PCDH15: variants seen among roughly 807,000 people sequenced by gnomAD.
The protein encoded by PCDH15 is protocadherin-15.
In PCDH15, 129 loss-of-function variants were observed where a neutral mutation model predicts 178.5. The ratio of observed to expected loss-of-function variants is 0.72; its 90% CI spans 0.63 to 0.84. The LOEUF (loss-of-function observed/expected upper bound fraction) is 0.84, where lower values mean the gene tolerates loss of function less well. Among genes scored for constraint, PCDH15 ranks in the 40% least tolerant of loss-of-function variants. The probability of loss-of-function intolerance (pLI) is 0.00; values close to 1 mark genes in which losing one functional copy is unlikely to be tolerated. For synonymous variants in PCDH15, 800 were observed against 732.0 expected (o/e 1.09, Z -1.50); for missense variants, 2,230 against 2,099.9 (o/e 1.06, Z -1.21).
intron 1 of PCDH15, among the ~76,000 whole-genome samples, chr10:55,272,006 T>G (rs1842457495): frequency 6.6e-6 from 1 of 152,118 alleles, no homozygotes; most frequent in African/African-American, 2.4e-5. Context: ...TATTATGCAG[T>G]AATAACACCT....
intron 1 of PCDH15, among the ~76,000 whole-genome samples, chr10:54,700,052 G>A (rs1277355536): frequency 6.6e-6 from 1 of 151,982 alleles, no homozygotes; most frequent in Non-Finnish European, 1.5e-5. Context: ...ACAAAGCTAG[G>A]GGCCTGGCAT....
chr10:54,168,434 T>G (rs1209193051), intron 13 of PCDH15, among the ~76,000 whole-genome samples: 2 of 151,908 alleles, frequency 1.3e-5, no homozygotes, highest in Admixed American at 1.3e-4. Flanking sequence ...CTCCCCAGGC[T>G]GCTCCTCGCC....
intron 22 of PCDH15, among the ~76,000 whole-genome samples, chr10:53,960,340 TTACTC>T (rs1475162751): frequency 1.8e-4 from 27 of 152,262 alleles, no homozygotes; most frequent in African/African-American, 3.1e-4. Flanking sequence ...CAGAAATACT[TTACTC>T]TAGAGGATAA....
At chr10:54,004,816 A>G (rs2092324142) in intron 20 of PCDH15, among the ~76,000 whole-genome samples, 2 of 151,964 alleles carry the variant, frequency 1.3e-5, no homozygotes, top group East Asian at 1.9e-4. Context: ...TAAACTGTGT[A>G]TGGAAGTACA....
intron 1 of PCDH15, among the ~76,000 whole-genome samples, chr10:54,666,746 A>G (rs2094578361): frequency 6.6e-6 from 1 of 152,028 alleles, no homozygotes; most frequent in Non-Finnish European, 1.5e-5. Context: ...AATTAAAGAG[A>G]CGGTAATATC....
At chr10:54,584,803 G>T (rs1422611174) in intron 2 of PCDH15, among the ~76,000 whole-genome samples, 1 of 152,004 alleles carries the variant, frequency 6.6e-6, no homozygotes, top group African/African-American at 2.4e-5. Flanking sequence ...ATATAAATCA[G>T]AATCATGGCT....
At chr10:54,759,833 G>A (rs1372309644) in intron 1 of PCDH15, among the ~76,000 whole-genome samples, 1 of 152,120 alleles carries the variant, frequency 6.6e-6, no homozygotes, top group African/African-American at 2.4e-5. Context: ...ACTTTTTGAG[G>A]TAATGGGTGC....
intron 18 of PCDH15, among the ~76,000 whole-genome samples, chr10:54,044,362 T>A (rs1180207759): frequency 6.6e-6 from 1 of 152,142 alleles, no homozygotes; most frequent in African/African-American, 2.4e-5. Context: ...ATTTCTTATG[T>A]ATGACCAGAG....
chr10:55,131,855 T>G (rs1838055938), intron 2 of PCDH15, among the ~76,000 whole-genome samples: 1 of 152,144 alleles, frequency 6.6e-6, no homozygotes, highest in South Asian at 2.1e-4. Flanking sequence ...GCACCATGAA[T>G]TCTCACTTTG....
At position 55,334,312 on chromosome 10, in the gene PCDH15, A is replaced by ATT. The variant is rs199903169; in HGVS notation, c.-155-167662_-155-167661insAA. On this transcript the variant is annotated intron_variant, in intron 2 of 5. Transcript: ENST00000613346. ...TGTGTATATATCTATATATATATAT[A>ATT]TATTTTTTTTTTGAGACAGAGTTTC... Among the ~76,000 whole-genome samples, 281 of 122,678 alleles carry ATT rather than the reference A, an allele frequency of 2.3e-3. 5 individuals are homozygous for ATT. The highest frequency in any genetic ancestry group is 8.3e-3 in the Middle Eastern group (2 of 242). 80.5% of individuals were successfully genotyped at this position (122,678 alleles called of 152,430 possible). A position where few individuals can be genotyped will look rare whatever the true frequency, so the allele number is the denominator to read the frequency against.
chr10:54,376,173 G>A lies in PCDH15; in HGVS notation c.318+2609C>T, dbSNP rs573714925. Among the ~76,000 whole-genome samples the A allele has an allele frequency of 4.0e-5, 6 of 151,754 alleles. No homozygotes were observed. The East Asian group carries it at 1.2e-3, about 29-fold the overall frequency. On this transcript the variant is annotated intron_variant, in intron 4 of 37. Coordinates refer to ENST00000644397, the MANE Select transcript of PCDH15 (RefSeq NM_001384140.1). ...GCCTCCCAAAGTGCTGGGATTACAG[G>A]CATGAGCCATCACACCCAGCCCATA...
chr10:54,171,430 A>G (rs566158175), intron 13 of PCDH15, among the ~76,000 whole-genome samples: 274 of 152,268 alleles, frequency 1.8e-3, no homozygotes, highest in African/African-American at 5.8e-3. Context: ...CTTTTTATTA[A>G]GCCCCAGTCT....
chr10:55,623,845 A>G (rs901627415), intron 2 of PCDH15, among the ~76,000 whole-genome samples: 3 of 151,878 alleles, frequency 2.0e-5, no homozygotes, highest in Admixed American at 2.0e-4. Flanking sequence ...CATTGGAGAA[A>G]AGTCAATGTT....
chr10:54,754,952 T>TCC (rs1946865646), intron 1 of PCDH15, among the ~76,000 whole-genome samples: 2 of 93,286 alleles, frequency 2.1e-5, no homozygotes, highest in African/African-American at 3.9e-5. Flanking sequence ...CTTTTTTTTT[T>TCC]TTTTTTTTTT....
chr10:54,306,804 T>A (rs927182631), intron 8 of PCDH15, among the ~76,000 whole-genome samples: 1 of 150,810 alleles, frequency 6.6e-6, no homozygotes, highest in African/African-American at 2.4e-5. Context: ...GACAAAGAAT[T>A]ACATCCTGTC....
chr10:54,174,702 C>CTTTTTTTTTTTTTTTTTTTTTTTTTCT (rs1169302544), intron 13 of PCDH15, among the ~76,000 whole-genome samples: 2 of 84,054 alleles, frequency 2.4e-5, no homozygotes, highest in African/African-American at 5.0e-5. Context: ...TTTTTCTTTT[C>CTTTTTTTTTTTTTTTTTTTTTTTTTCT]TTTTTTTTTT....
At chr10:54,082,380 A>G (rs1182056141) in intron 16 of PCDH15, among the ~76,000 whole-genome samples, 1 of 152,210 alleles carries the variant, frequency 6.6e-6, no homozygotes, top group East Asian at 1.9e-4. Flanking sequence ...TCAGGCACTC[A>G]AAAGTGTACT....
intron 16 of PCDH15, among the ~76,000 whole-genome samples, chr10:54,084,408 G>A: frequency 6.6e-6 from 1 of 151,728 alleles, no homozygotes. Flanking sequence ...AGGAGGCGGA[G>A]GTTGCAGTAA....
intron 14 of PCDH15, among the ~76,000 whole-genome samples, chr10:54,134,283 T>C (rs1344990913): frequency 7.4e-6 from 1 of 135,932 alleles, no homozygotes; most frequent in Non-Finnish European, 1.6e-5. Flanking sequence ...CCTCAGGTGA[T>C]CCACCCTCCT....
Sources: gnomAD v4.1 joint callset for allele counts (sites outside exome capture counted in the v4.1 genomes callset) on GRCh38, gnomAD v4.1.1 for gene constraint, MANE v1.5 for transcripts, NCBI Gene and HGNC (gene_info 2026-07-23, HGNC 2026-07-21) for gene names.